The following CSTF3 variants were observed in gnomAD, a reference collection of about 807,000 sequenced individuals.
CSTF3 encodes the protein cleavage stimulation factor subunit 3, also known as CF-1 77 kDa subunit.
In CSTF3, 29 loss-of-function variants were observed where a neutral mutation model predicts 105.8. The ratio of observed to expected loss-of-function variants is 0.27; its 90% CI spans 0.20 to 0.37. CSTF3 has a LOEUF of 0.37. Ranked by LOEUF, CSTF3 falls within the 10% of genes least tolerant of loss-of-function variation. CSTF3 has a pLI of 1.00. For missense variants in CSTF3, 357 were observed against 879.3 expected (o/e 0.41, Z 7.51); for synonymous variants, 252 against 281.9 (o/e 0.89, Z 1.06).
chr11:33,121,997 A>G (rs1855494272), intron 3 of CSTF3, among the ~76,000 whole-genome samples: 1 of 152,152 alleles, frequency 6.6e-6, no homozygotes, highest in Non-Finnish European at 1.5e-5. Flanking sequence ...CCCAATCAAT[A>G]CCTAAACCTG....
At chr11:33,098,520 TGGA>T (rs1261453639) in intron 13 of CSTF3, among the ~76,000 whole-genome samples, 167 bp downstream of exon 13, 1 of 152,146 alleles carries the variant, frequency 6.6e-6, no homozygotes, top group Admixed American at 6.5e-5. Flanking sequence ...TGGAGGATGG[TGGA>T]GGTGTTTTCT....
chr11:33,121,663 C>A (rs899453767), intron 3 of CSTF3, among the ~76,000 whole-genome samples: 1 of 151,990 alleles, frequency 6.6e-6, no homozygotes. Context: ...AAGAACAGAC[C>A]CTTATGGTGC....
At chr11:33,095,427 T>C (rs1186661543) in intron 15 of CSTF3, among the ~76,000 whole-genome samples, 1 of 152,190 alleles carries the variant, frequency 6.6e-6, no homozygotes, top group East Asian at 1.9e-4. Flanking sequence ...TGTTGTTAAC[T>C]AGACTAAATG....
In CSTF3 at chr11:33,098,666, A is replaced by G. The variant is rs770876341; in HGVS notation, c.1128+24T>C. ...GTTAGATAAGACTGTAAAGGTGGAA[A>G]AAAAGATTTGTAAAGTTACTCACCA... On this transcript the variant is annotated intron_variant, in intron 13 of 20. Transcript: ENST00000323959. The G allele has an allele frequency of 2.7e-6, 4 of 1,466,100 alleles. No homozygotes were observed. In the African/African-American group the frequency reaches 5.7e-5, roughly 21 times the overall value. 90.8% of individuals were successfully genotyped at this position (1,466,100 alleles called of 1,614,324 possible). A position where few individuals can be genotyped will look rare whatever the true frequency, so the allele number is the denominator to read the frequency against.
At chr11:33,126,805 T>C (rs2133790261) in intron 3 of CSTF3, among the ~76,000 whole-genome samples, 1 of 152,336 alleles carries the variant, frequency 6.6e-6, no homozygotes, top group East Asian at 1.9e-4. Context: ...TGCCAAGCAT[T>C]ATTGTAGCTT....
intron 3 of CSTF3, among the ~76,000 whole-genome samples, chr11:33,116,826 T>C (rs1435317029): frequency 5.3e-5 from 8 of 152,010 alleles, no homozygotes; most frequent in Admixed American, 2.6e-4. Context: ...AAAGATGCTA[T>C]TGCTGTCATC....
intron 3 of CSTF3, 187 bp downstream of exon 3, chr11:33,141,480 A>C (rs1855709684): frequency 4.6e-6 from 6 of 1,312,508 alleles, no homozygotes; most frequent in Non-Finnish European, 5.8e-6. Flanking sequence ...TGCAACAATC[A>C]TCAGCTTGTA....
At chr11:33,159,500 G>C (rs1849909215) in intron 1 of CSTF3, among the ~76,000 whole-genome samples, 1 of 149,926 alleles carries the variant, frequency 6.7e-6, no homozygotes, top group African/African-American at 2.5e-5. Context: ...GGGTGGCTGA[G>C]GCAGGAGAAT....
chr11:33,107,282 C>T (rs1217412865), intron 5 of CSTF3, among the ~76,000 whole-genome samples: 5 of 152,164 alleles, frequency 3.3e-5, no homozygotes, highest in African/African-American at 1.2e-4. Flanking sequence ...TGTGCCACTG[C>T]ACTCCAGCCT....
intron 1 of CSTF3, among the ~76,000 whole-genome samples, chr11:33,159,488 T>C (rs945693623): frequency 9.5e-5 from 13 of 137,094 alleles, no homozygotes; most frequent in African/African-American, 3.7e-4. Flanking sequence ...TCCCAGCTAC[T>C]GGGGTGGCTG....
intron 1 of CSTF3, among the ~76,000 whole-genome samples, chr11:33,147,304 AG>A (rs1855796442): frequency 6.6e-6 from 1 of 151,932 alleles, no homozygotes; most frequent in Non-Finnish European, 1.5e-5. Flanking sequence ...CTAAAAAAAA[AG>A]AAAGAAAGAG....
At position 33,118,081 on chromosome 11, in the gene CSTF3, A is replaced by AT. The variant is rs200228683; in HGVS notation, c.226-9664dup. Among the ~76,000 whole-genome samples, 1,240 of 142,450 alleles carry AT rather than the reference A, an allele frequency of 8.7e-3. 6 individuals are homozygous for AT. The highest frequency in any genetic ancestry group is 0.018 in the South Asian group (82 of 4,452). The allele number at this position is 142,450 out of a possible 152,430, so 93.5% of individuals were successfully genotyped here. On this transcript the variant is annotated intron_variant, in intron 3 of 20. Transcript: ENST00000323959. ...TCTCTAATCTCATGACAGATTAGGG[A>AT]TTTTTTTTTTTTTTTAATAAGAGAA... is the stretch of plus-strand genomic sequence containing the variant.
chr11:33,150,423 T>C (rs540623567), intron 1 of CSTF3, among the ~76,000 whole-genome samples: 1 of 152,230 alleles, frequency 6.6e-6, no homozygotes, highest in South Asian at 2.1e-4. Flanking sequence ...TTTCAGGCGA[T>C]GTTAATGGGG....
At chr11:33,107,788 C>A in intron 5 of CSTF3, 115 bp downstream of exon 5, 3 of 596,852 alleles carry the variant, frequency 5.0e-6, no homozygotes, top group African/African-American at 1.9e-5. Context: ...GAAATCCTGA[C>A]TTTTCAAATC....
intron 3 of CSTF3, among the ~76,000 whole-genome samples, chr11:33,136,752 T>A (rs979329216): frequency 6.6e-6 from 1 of 151,944 alleles, no homozygotes; most frequent in Non-Finnish European, 1.5e-5. Context: ...CATGTTTGTG[T>A]TGATTCATGG....
intron 16 of CSTF3, 145 bp from the exon 17 acceptor site, chr11:33,090,872 AAATAG>A (rs1236756759): frequency 9.9e-6 from 5 of 507,540 alleles, no homozygotes; most frequent in Non-Finnish European, 1.7e-5. Context: ...GACTATAGAA[AAATAG>A]AATAGTATAA....
At position 33,105,181 on chromosome 11, in the gene CSTF3, A is replaced by G. The variant is rs189534656; in HGVS notation, c.585+386T>C. ...TTGTAGCCACACACTTCACAAATTC[A>G]AACCAATCATCACATCACTGTAATC... On this transcript the variant is annotated intron_variant, in intron 8 of 20. Coordinates refer to ENST00000323959, the MANE Select transcript of CSTF3 (RefSeq NM_001326.3). 4.6e-5 allele frequency among the ~76,000 whole-genome samples: 7 copies of G among 152,352 alleles called. No homozygotes were observed. In the East Asian group the frequency reaches 1.3e-3, roughly 29 times the overall value.
intron 3 of CSTF3, among the ~76,000 whole-genome samples, chr11:33,130,990 A>G (rs1444879407): frequency 1.3e-5 from 2 of 152,010 alleles, no homozygotes; most frequent in Non-Finnish European, 2.9e-5. Flanking sequence ...TGATTACATT[A>G]CTGCATTCCA....
intron 3 of CSTF3, among the ~76,000 whole-genome samples, chr11:33,116,739 GGAATACAGGCT>G (rs1255094726): frequency 2.0e-5 from 3 of 152,060 alleles, no homozygotes; most frequent in Non-Finnish European, 4.4e-5. Context: ...AGTAGGTTAG[GGAATACAGGCT>G]GGGGAGAATA....
Sources: allele counts gnomAD v4.1 joint callset (sites outside exome capture counted in the v4.1 genomes callset), GRCh38; gene constraint gnomAD v4.1.1; transcripts MANE v1.5; gene names NCBI Gene and HGNC (gene_info 2026-07-23, HGNC 2026-07-21).